TRERF1: variants seen among roughly 807,000 people sequenced by gnomAD.
TRERF1 encodes transcriptional-regulating factor 1.
Under a neutral mutation model 122.9 loss-of-function variants are expected in TRERF1, and 27 were observed. The ratio of observed to expected loss-of-function variants is 0.22; its 90% CI spans 0.16 to 0.30. TRERF1 has a LOEUF of 0.30. Among genes scored for constraint, TRERF1 ranks in the 10% least tolerant of loss-of-function variants. TRERF1 has a pLI of 1.00. For synonymous variants in TRERF1, 636 were observed against 641.7 expected (o/e 0.99, Z 0.13); for missense variants, 1,248 against 1,560.3 (o/e 0.80, Z 3.37).
chr6:42,228,795 C>T lies in TRERF1; in HGVS notation c.3279-126G>A, dbSNP rs1425328412. 8 of 870,028 alleles carry T rather than the reference C, an allele frequency of 9.2e-6. No individual in the cohort carries two copies. The highest frequency in any genetic ancestry group is 1.2e-5 in the Non-Finnish European group (7 of 561,312). 53.9% of individuals were successfully genotyped at this position (870,028 alleles called of 1,614,324 possible). ...GTCCCTGGCTGCTCGGCTTCTAGGACCTCCTTCCCCTGTGACCTGTCACCT... is the reference window on the plus strand; with the variant it reads ...GTCCCTGGCTGCTCGGCTTCTAGGATCTCCTTCCCCTGTGACCTGTCACCT... On this transcript the variant is annotated intron_variant, in intron 17 of 17. Transcript: ENST00000372922. The surrounding 1 kb of genome is among the most constrained non-coding windows in gnomAD (Gnocchi z 4.2).
chr6:42,422,996 C>A (rs567135558), intron 2 of TRERF1, among the ~76,000 whole-genome samples: 79 of 151,630 alleles, frequency 5.2e-4, no homozygotes, highest in African/African-American at 1.9e-3. Flanking sequence ...TGCGCCACCA[C>A]GCCTGGCTAA....
chr6:42,426,212 G>GCCTA (rs1783614479), intron 2 of TRERF1, among the ~76,000 whole-genome samples: 1 of 152,126 alleles, frequency 6.6e-6, no homozygotes, highest in African/African-American at 2.4e-5. Context: ...TCTAGCAAAT[G>GCCTA]CCTACTACAC....
chr6:42,367,643 A>G (rs1425211615), intron 2 of TRERF1, among the ~76,000 whole-genome samples: 1 of 151,904 alleles, frequency 6.6e-6, no homozygotes, highest in African/African-American at 2.4e-5. Flanking sequence ...CATGGGAGGG[A>G]TTTGGGCCAA....
chr6:42,428,050 G>A (rs1783913428), intron 2 of TRERF1, among the ~76,000 whole-genome samples: 1 of 152,160 alleles, frequency 6.6e-6, no homozygotes. Flanking sequence ...TCTAGGGCCG[G>A]AAATAGGAGT....
intron 3 of TRERF1, among the ~76,000 whole-genome samples, chr6:42,302,913 G>A (rs956976160): frequency 1.3e-5 from 2 of 152,224 alleles, no homozygotes; most frequent in Non-Finnish European, 1.5e-5. Flanking sequence ...ATGGGCAAGA[G>A]TTTGTCTTAG....
rs141790879 is a variant in TRERF1 at position 42,314,353 on chromosome 6, T to C, written c.-370-13604A>G. Among the ~76,000 whole-genome samples the C allele has an allele frequency of 2.0e-5, 3 of 152,286 alleles. No homozygotes were observed. In the South Asian group the frequency reaches 6.2e-4, roughly 32 times the overall value. On this transcript the variant is annotated intron_variant, in intron 3 of 17. Transcript: ENST00000372922. ...ACCCTGATCGAACTCTTCATCAACATAAATCCCTGGTTTTACAACAAGAAG... is the reference window on the plus strand; with the variant it reads ...ACCCTGATCGAACTCTTCATCAACACAAATCCCTGGTTTTACAACAAGAAG...
chr6:42,225,316 A>G (rs1486518429), exon 18 of TRERF1: 1 of 151,852 alleles, frequency 6.6e-6, no homozygotes, highest in Non-Finnish European at 1.5e-5. Context: ...TCAAGCTTCA[A>G]ACTTTTTTTA....
At chr6:42,253,466 G>A (rs1308153279) in intron 13 of TRERF1, among the ~76,000 whole-genome samples, 1 of 152,194 alleles carries the variant, frequency 6.6e-6, no homozygotes, top group Non-Finnish European at 1.5e-5. Context: ...GAAATTAAGA[G>A]AGAGGACTGA....
chr6:42,415,730 T>A (rs553278346), intron 2 of TRERF1, among the ~76,000 whole-genome samples: 14 of 152,314 alleles, frequency 9.2e-5, no homozygotes, highest in African/African-American at 3.4e-4. Flanking sequence ...TTCAGCCAAT[T>A]AGTACCAAGT....
exon 18 of TRERF1, chr6:42,227,258 C>T (rs1404730020): frequency 3.3e-5 from 5 of 152,158 alleles, no homozygotes; most frequent in Admixed American, 1.3e-4. Flanking sequence ...TATTTGCTAT[C>T]GTATGTGTTA....
intron 4 of TRERF1, among the ~76,000 whole-genome samples, chr6:42,277,974 A>AGAAGAAGAAGAAGAAGAAG (rs1161319382): frequency 2.7e-5 from 4 of 147,002 alleles, no homozygotes; most frequent in Non-Finnish European, 6.0e-5. Flanking sequence ...AAGAAGAAGA[A>AGAAGAAGAAGAAGAAGAAG]GACTGCAATA....
At chr6:42,403,571 TG>T (rs1446053510) in intron 2 of TRERF1, among the ~76,000 whole-genome samples, 1 of 152,160 alleles carries the variant, frequency 6.6e-6, no homozygotes, top group Admixed American at 6.5e-5. Flanking sequence ...GCCAATACCT[TG>T]ATTTCAAATT....
At position 42,268,824 on chromosome 6, in the gene TRERF1, A is replaced by C. The variant is rs1332586892; in HGVS notation, c.767T>G (p.Met256Arg). 1 of 1,614,162 alleles carries C rather than the reference A, an allele frequency of 6.2e-7. No individual in the cohort carries two copies. The highest frequency in any genetic ancestry group is 2.2e-5 in the East Asian group (1 of 44,890). The change falls in exon 5 of 18, where the codon ATG becomes AGG. Residue 256 changes from methionine (M) to arginine (R), a missense_variant. Physicochemically the swap from Met to Arg is moderately conservative, Grantham distance 91 (BLOSUM62 -1). Around this residue, in one of 5 missense-constraint regions of TRERF1, gnomAD observed 946 missense variants for 1,073.0 expected, o/e 0.88. Coordinates refer to ENST00000372922, the Ensembl canonical transcript of TRERF1. The surrounding 1 kb of genome is among the most constrained non-coding windows in gnomAD (Gnocchi z 4.4). ...CATCTGTTGCATGTGCTGTGACAGC[A>C]TCTGTGGGGCCTGCAGTGGCTGTCC...
At chr6:42,418,835 C>T (rs1782315900) in intron 2 of TRERF1, among the ~76,000 whole-genome samples, 1 of 152,220 alleles carries the variant, frequency 6.6e-6, no homozygotes, top group African/African-American at 2.4e-5. Context: ...AAACCACCCC[C>T]TGCATTTCAC....
intron 2 of TRERF1, among the ~76,000 whole-genome samples, chr6:42,415,597 C>A (rs1488561274): frequency 6.6e-6 from 1 of 152,132 alleles, no homozygotes; most frequent in Non-Finnish European, 1.5e-5. Flanking sequence ...TCTCAGATAG[C>A]TATCTGGTTA....
chr6:42,444,178 C>CTTTTTTTTT (rs201969394), intron 2 of TRERF1, among the ~76,000 whole-genome samples: 1 of 133,860 alleles, frequency 7.5e-6, no homozygotes. Flanking sequence ...GCAGCCTTTG[C>CTTTTTTTTT]TTTTTTTTTT....
intron 3 of TRERF1, among the ~76,000 whole-genome samples, chr6:42,343,897 A>G (rs999370740): frequency 6.6e-6 from 1 of 152,218 alleles, no homozygotes; most frequent in Non-Finnish European, 1.5e-5. Flanking sequence ...AGGAAGACGG[A>G]CTGACGCATA....
intron 3 of TRERF1, among the ~76,000 whole-genome samples, chr6:42,332,992 T>G (rs1001615130): frequency 2.6e-5 from 4 of 152,104 alleles, no homozygotes; most frequent in African/African-American, 7.2e-5. Flanking sequence ...CAGGGACTGT[T>G]GGAAGGTAAA....
At chr6:42,254,747 T>C (rs1776421718) in intron 13 of TRERF1, 104 bp downstream of exon 13, 2 of 1,070,218 alleles carry the variant, frequency 1.9e-6, no homozygotes, top group Non-Finnish European at 2.9e-6. Flanking sequence ...CAAGTGGTGA[T>C]TAGGACAGAA....
Sources: allele counts gnomAD v4.1 joint callset (sites outside exome capture counted in the v4.1 genomes callset), GRCh38; gene constraint gnomAD v4.1.1; regional missense constraint gnomAD v4.1.1; non-coding constraint Gnocchi (gnomAD v3.1); transcripts MANE v1.5; gene names NCBI Gene and HGNC (gene_info 2026-07-23, HGNC 2026-07-21).